TUSC3: variants seen among roughly 807,000 people sequenced by gnomAD.
TUSC3 encodes the protein dolichyl-diphosphooligosaccharide--protein glycosyltransferase subunit TUSC3.
TUSC3 carries 45 observed loss-of-function variants against 44.8 expected under a neutral mutation model. The observed-to-expected ratio is 1.00, with a 90% CI of 0.79 to 1.29. The LOEUF is 1.29. Ranked by LOEUF, TUSC3 falls within the 50% of genes most tolerant of loss-of-function variation. The probability of loss-of-function intolerance (pLI) is 0.00; values close to 1 mark genes in which losing one functional copy is unlikely to be tolerated. For synonymous variants in TUSC3, 212 were observed against 152.9 expected, an observed-to-expected ratio of 1.39 and a Z score of -2.85; for missense variants, 519 against 437.9, an observed-to-expected ratio of 1.19 and a Z score of -1.65.
chr8:15,686,546 C>A (rs1169820100), intron 6 of TUSC3, among the ~76,000 whole-genome samples: 3 of 151,698 alleles, frequency 2.0e-5, no homozygotes, highest in Non-Finnish European at 4.4e-5. Context: ...ATCCAACTTT[C>A]TTCACTTTCA....
chr8:15,711,756 A>G (rs1051912691), intron 6 of TUSC3, among the ~76,000 whole-genome samples: 1 of 151,924 alleles, frequency 6.6e-6, no homozygotes, highest in Non-Finnish European at 1.5e-5. Flanking sequence ...AGATAATGCT[A>G]TAATTGCAAA....
At chr8:15,593,792 C>A (rs1248007191) in intron 1 of TUSC3, among the ~76,000 whole-genome samples, 1 of 152,102 alleles carries the variant, frequency 6.6e-6, no homozygotes, top group Non-Finnish European at 1.5e-5. Context: ...GCTCTGTGCA[C>A]TGTTGTTTAC....
chr8:15,523,692 G>GTATATATATATATATA (rs1366898185), intron 2 of TUSC3, among the ~76,000 whole-genome samples: 240 of 48,280 alleles, frequency 5.0e-3, no homozygotes, highest in Middle Eastern at 0.011. Context: ...GTGTGTGTGT[G>GTATATATATATATATA]TGTGTGTGTG....
At chr8:15,475,168 C>T (rs1197251814) in intron 1 of TUSC3, among the ~76,000 whole-genome samples, 2 of 152,118 alleles carry the variant, frequency 1.3e-5, no homozygotes, top group East Asian at 3.9e-4. Context: ...AAGTCTTAAA[C>T]TATCCTATTT....
At chr8:15,633,157 T>C (rs150384935) in intron 2 of TUSC3, among the ~76,000 whole-genome samples, 304 of 152,274 alleles carry the variant, frequency 2.0e-3, no homozygotes, top group Middle Eastern at 0.01. Context: ...AGATACGTAT[T>C]ATTGTAGCAG....
the TUSC3 span, among the ~76,000 whole-genome samples, chr8:15,832,158 GA>G: frequency 1.3e-5 from 2 of 152,116 alleles, no homozygotes; most frequent in African/African-American, 4.8e-5. Flanking sequence ...TTAAATAAAA[GA>G]AATTCCAACC....
chr8:15,726,927 C>A (rs1308176860), intron 6 of TUSC3, among the ~76,000 whole-genome samples: 1 of 152,252 alleles, frequency 6.6e-6, no homozygotes, highest in East Asian at 1.9e-4. Flanking sequence ...ATTATCAAAG[C>A]CTGCACACAT....
chr8:15,606,466 G>A (rs1471002428), intron 1 of TUSC3, among the ~76,000 whole-genome samples: 1 of 152,078 alleles, frequency 6.6e-6, no homozygotes, highest in Non-Finnish European at 1.5e-5. Context: ...GACTGTGTGG[G>A]TGCCCCTAAC....
chr8:15,729,986 G>GT (rs151312793), intron 6 of TUSC3, among the ~76,000 whole-genome samples: 3,916 of 151,816 alleles, frequency 0.026, 168 homozygotes, highest in African/African-American at 0.087. Flanking sequence ...TTTTTCTCCA[G>GT]TTTTTTTATA....
chr8:15,532,507 G>T (rs1265616251), intron 2 of TUSC3, among the ~76,000 whole-genome samples: 1 of 152,156 alleles, frequency 6.6e-6, no homozygotes, highest in Non-Finnish European at 1.5e-5. Flanking sequence ...GACGGTCTGG[G>T]ATCCTCAATA....
Position 15,478,480 on chromosome 8 carries a change from A to ATG in TUSC3, n.92-4902_92-4901dup, listed in dbSNP as rs747114368. Among the ~76,000 whole-genome samples, 11 of 152,128 alleles carry ATG rather than the reference A, an allele frequency of 7.2e-5. No individual in the cohort carries two copies. In the East Asian group the frequency reaches 2.1e-3, roughly 30 times the overall value. ...GTGTGTTGTTCGCCTCTGTGTGTTC[A>ATG]TGTGTTCTCATTGTTGAACTCCCAC... On this transcript the variant is annotated intron_variant and non_coding_transcript_variant, in intron 1 of 5. Coordinates refer to the TUSC3 transcript ENST00000503191.
At chr8:15,508,964 T>A (rs1427338947) in intron 2 of TUSC3, among the ~76,000 whole-genome samples, 1 of 152,190 alleles carries the variant, frequency 6.6e-6, no homozygotes, top group Non-Finnish European at 1.5e-5. Context: ...TATATAACTG[T>A]CTCAGGTTCC....
intron 3 of TUSC3, among the ~76,000 whole-genome samples, chr8:15,653,472 TA>T (rs1807010542): frequency 6.6e-6 from 1 of 152,208 alleles, no homozygotes; most frequent in Non-Finnish European, 1.5e-5. Flanking sequence ...ATATAATCAT[TA>T]AATTCTTTTG....
At chr8:15,590,874 A>G (rs746740286) in intron 1 of TUSC3, among the ~76,000 whole-genome samples, 17 of 151,474 alleles carry the variant, frequency 1.1e-4, no homozygotes, top group Non-Finnish European at 2.5e-4. Context: ...GAGTTTTGCT[A>G]TGTTGCCCAG....
At chr8:15,774,813 A>ATT in the TUSC3 span, among the ~76,000 whole-genome samples, 5 of 150,108 alleles carry the variant, frequency 3.3e-5, no homozygotes, top group Non-Finnish European at 7.4e-5. Context: ...ATCAGAATGT[A>ATT]TTTTTTTTTT....
At position 15,659,554 on chromosome 8, in the gene TUSC3, C is replaced by T. The variant is rs758929291; in HGVS notation, c.474C>T (p.Gly158=). 5.6e-6 allele frequency: 9 copies of T among 1,613,200 alleles called. No individual in the cohort carries two copies. In the African/African-American group the frequency reaches 8.0e-5, roughly 14 times the overall value. Residue 158 remains glycine, a synonymous_variant, in exon 4 of 11, where the codon GGC becomes GGT. Transcript: ENST00000503731. ...APTFMHFPPK[G]RPKRADTFDL... is the part of the protein sequence containing the mutation. ...CATTCATGCATTTTCCTCCAAAAGGCAGACCTAAGAGAGCTGATACTTTTG... is the reference window on the plus strand; with the variant it reads ...CATTCATGCATTTTCCTCCAAAAGGTAGACCTAAGAGAGCTGATACTTTTG...
chr8:15,758,134 CTGTT>C, intron 10 of TUSC3: 9 of 1,150,914 alleles, frequency 7.8e-6, no homozygotes, highest in Non-Finnish European at 9.6e-6. Context: ...TTCTTAACTT[CTGTT>C]TGTTATCACT....
intron 7 of TUSC3, among the ~76,000 whole-genome samples, chr8:15,731,802 T>C (rs578122209): frequency 3.5e-4 from 53 of 152,304 alleles, no homozygotes; most frequent in Non-Finnish European, 7.2e-4. Flanking sequence ...TGTTGTGTCA[T>C]AACAATGCAT....
intron 1 of TUSC3, among the ~76,000 whole-genome samples, chr8:15,592,310 C>A (rs1043127568): frequency 6.6e-6 from 1 of 152,188 alleles, no homozygotes; most frequent in Admixed American, 6.5e-5. Context: ...ACATCTAATG[C>A]TTATTAAGCT....
Sources: gnomAD v4.1 joint callset for allele counts (sites outside exome capture counted in the v4.1 genomes callset) on GRCh38, gnomAD v4.1.1 for gene constraint, MANE v1.5 for transcripts, NCBI Gene and HGNC (gene_info 2026-07-23, HGNC 2026-07-21) for gene names.